Variants in ADCYAP1R1 observed in about 807,000 individuals in gnomAD.
ADCYAP1R1 encodes pituitary adenylate cyclase-activating polypeptide type I receptor.
A neutral mutation model predicts 67.6 loss-of-function variants in ADCYAP1R1; 44 were observed. The observed-to-expected ratio is 0.65, with a 90% CI of 0.51 to 0.84. The LOEUF (loss-of-function observed/expected upper bound fraction) is 0.84. ADCYAP1R1 is among the 40% of genes least tolerant of loss of function. The probability of loss-of-function intolerance (pLI) is 0.00; values close to 1 mark genes in which losing one functional copy is unlikely to be tolerated. For missense variants in ADCYAP1R1, 477 were observed against 587.9 expected, an observed-to-expected ratio of 0.81 and a Z score of 1.95; for synonymous variants, 222 against 219.6, an observed-to-expected ratio of 1.01 and a Z score of -0.10.
intron 3 of ADCYAP1R1, among the ~76,000 whole-genome samples, chr7:31,067,687 C>T (rs539165362): frequency 6.6e-6 from 1 of 152,190 alleles, no homozygotes; most frequent in East Asian, 1.9e-4. Context: ...TCCCAGCACC[C>T]CCCCGGGCGC....
chr7:31,084,131 T>C lies in ADCYAP1R1; in HGVS notation c.329-10T>C, dbSNP rs958739796. On this transcript the variant is annotated splice_polypyrimidine_tract_variant and intron_variant, in intron 6 of 15. Coordinates refer to ENST00000304166, the MANE Select transcript of ADCYAP1R1 (RefSeq NM_001118.5). ...TTTCTGGGCCTCGCTGAGTTTTCTT[T>C]TTGCTGCAGACATGGGAGTGGTGAG... is the stretch of plus-strand genomic sequence containing the variant. 1 of 1,613,526 alleles carries C rather than the reference T, an allele frequency of 6.2e-7. No homozygotes were observed. Among genetic ancestry groups the C allele is most frequent in the African/African-American group, 1.3e-5 (1 of 75,028 alleles).
At chr7:31,065,094 T>C (rs575421705) in intron 3 of ADCYAP1R1, among the ~76,000 whole-genome samples, 158 bp downstream of exon 3, 146 of 152,256 alleles carry the variant, frequency 9.6e-4, no homozygotes, top group Non-Finnish European at 1.3e-3. Context: ...CTCTGGGCAA[T>C]GATGCTGGGG....
intron 3 of ADCYAP1R1, among the ~76,000 whole-genome samples, chr7:31,071,634 C>T (rs1028909323): frequency 6.6e-6 from 1 of 152,156 alleles, no homozygotes; most frequent in African/African-American, 2.4e-5. Flanking sequence ...TTTGCCAAGG[C>T]CTTTTCTAAA....
At chr7:31,053,397 T>C (rs1190147082) in intron 1 of ADCYAP1R1, among the ~76,000 whole-genome samples, 2 of 152,212 alleles carry the variant, frequency 1.3e-5, no homozygotes, top group East Asian at 3.9e-4. Flanking sequence ...CTGAGACCCC[T>C]GCCTGCCGCT....
chr7:31,097,436 T>C (rs940532310), intron 13 of ADCYAP1R1, among the ~76,000 whole-genome samples: 3 of 152,246 alleles, frequency 2.0e-5, no homozygotes, highest in Non-Finnish European at 4.4e-5. Flanking sequence ...TTGTTCTTTT[T>C]CTTTTCCATG....
Position 31,102,341 on chromosome 7 carries a change from C to A in ADCYAP1R1, c.1047-896C>A, listed in dbSNP as rs376923231. Among the ~76,000 whole-genome samples the A allele has an allele frequency of 6.9e-4, 105 of 152,310 alleles. 1 individual carries two copies. In the South Asian group the frequency reaches 0.021, roughly 30 times the overall value. The stretch of plus-strand genomic sequence containing the variant: ...GCAGAGCTGGACTCTCTGGGGGAGA[C>A]CCACAGGGAGCCAGTGTGCCCACTC... On this transcript the variant is annotated intron_variant, in intron 13 of 15. Transcript: ENST00000304166. This position sits in a 1 kb window ranked among gnomAD's most constrained non-coding sequence, Gnocchi z 4.3.
chr7:31,062,563 G>A (rs1317279309), intron 1 of ADCYAP1R1, among the ~76,000 whole-genome samples: 1 of 152,176 alleles, frequency 6.6e-6, no homozygotes, highest in Non-Finnish European at 1.5e-5. Flanking sequence ...CAGGCAGGCT[G>A]GGTGGCTGGG....
chr7:31,104,957 T>G, intron 15 of ADCYAP1R1, 48 bp downstream of exon 15: 1 of 1,600,534 alleles, frequency 6.2e-7, no homozygotes, highest in Non-Finnish European at 8.6e-7. Context: ...TGGGGCTTTC[T>G]GGGGAGCAGA....
At chr7:31,052,905 AC>A (rs923219198) in intron 1 of ADCYAP1R1, among the ~76,000 whole-genome samples, 16 of 151,682 alleles carry the variant, frequency 1.1e-4, no homozygotes, top group African/African-American at 3.6e-4. Flanking sequence ...TCAGGCTGAC[AC>A]CCCCCAACCC....
chr7:31,099,041 A>G (rs1796328580), intron 13 of ADCYAP1R1, among the ~76,000 whole-genome samples: 1 of 152,042 alleles, frequency 6.6e-6, no homozygotes, highest in African/African-American at 2.4e-5. Flanking sequence ...AGAGAAGGGG[A>G]AAGTGTTCAT....
chr7:31,081,685 G>T (rs373875931), intron 5 of ADCYAP1R1, 28 bp from the exon 6 acceptor site: 4 of 1,570,476 alleles, frequency 2.5e-6, no homozygotes, highest in South Asian at 1.2e-5. Flanking sequence ...CAGGCATTTT[G>T]ATATATGCCT....
At chr7:31,070,315 G>A (rs1031416529) in intron 3 of ADCYAP1R1, among the ~76,000 whole-genome samples, 8 of 152,170 alleles carry the variant, frequency 5.3e-5, no homozygotes, top group African/African-American at 7.2e-5. Context: ...AGGGTTGGTC[G>A]GTGTGGTCCT....
At chr7:31,091,891 A>C (rs1795975644) in intron 12 of ADCYAP1R1, among the ~76,000 whole-genome samples, 1 of 151,828 alleles carries the variant, frequency 6.6e-6, no homozygotes, top group Non-Finnish European at 1.5e-5. Flanking sequence ...TTTTATAATT[A>C]TTAATTTCTT....
chr7:31,083,230 A>G (rs904236552), intron 6 of ADCYAP1R1, among the ~76,000 whole-genome samples: 1 of 152,244 alleles, frequency 6.6e-6, no homozygotes, highest in Non-Finnish European at 1.5e-5. Flanking sequence ...CTGGAGGAAA[A>G]GGGAGCTGCT....
intron 1 of ADCYAP1R1, among the ~76,000 whole-genome samples, chr7:31,058,090 T>G (rs1794333289): frequency 6.6e-6 from 1 of 152,148 alleles, no homozygotes; most frequent in Non-Finnish European, 1.5e-5. Context: ...CTGGGCTGGT[T>G]GGGAAGGGCA....
In ADCYAP1R1 at chr7:31,086,590, C is replaced by T; in HGVS notation, c.823+53C>T. 1.9e-6 allele frequency: 3 copies of T among 1,602,798 alleles called. No homozygotes were observed. The highest frequency in any genetic ancestry group is 2.6e-6 in the Non-Finnish European group (3 of 1,172,814). ...GTTCAGGTCCCGTGGTCAGGTGTGT[C>T]CAGGTGTGTCTTTGGTTCCATCTTC... On this transcript the variant is annotated intron_variant, in intron 10 of 15. Transcript: ENST00000304166. This position sits in a 1 kb window ranked among gnomAD's most constrained non-coding sequence, Gnocchi z 5.0.
chr7:31,076,620 T>A (rs572874415), intron 3 of ADCYAP1R1, among the ~76,000 whole-genome samples: 1 of 152,316 alleles, frequency 6.6e-6, no homozygotes, highest in African/African-American at 2.4e-5. Flanking sequence ...AATCCCGGCC[T>A]CCACCTCTTC....
chr7:31,070,911 G>T (rs1465751148), intron 3 of ADCYAP1R1, among the ~76,000 whole-genome samples: 1 of 152,174 alleles, frequency 6.6e-6, no homozygotes, highest in African/African-American at 2.4e-5. Context: ...TTCCAAAGGC[G>T]AGGGCGGCAT....
chr7:31,087,802 C>T (rs1795813080), intron 12 of ADCYAP1R1, 106 bp downstream of exon 12: 3 of 779,712 alleles, frequency 3.8e-6, no homozygotes, highest in Non-Finnish European at 6.4e-6. Flanking sequence ...ACTTCCTCCT[C>T]TGTCATGGCT....
Sources: allele counts gnomAD v4.1 joint callset (sites outside exome capture counted in the v4.1 genomes callset), GRCh38; gene constraint gnomAD v4.1.1; non-coding constraint Gnocchi (gnomAD v3.1); transcripts MANE v1.5; gene names NCBI Gene and HGNC (gene_info 2026-07-23, HGNC 2026-07-21).